Variants in CCSER1 observed in about 807,000 individuals in gnomAD.
CCSER1 encodes coiled-coil serine rich protein 1.
Under a neutral mutation model 82.0 loss-of-function variants are expected in CCSER1, and 41 were observed. The observed-to-expected ratio is 0.50, with a 90% CI of 0.39 to 0.65. The LOEUF (loss-of-function observed/expected upper bound fraction) is 0.65, where lower values mean the gene tolerates loss of function less well. CCSER1 is among the 30% of genes least tolerant of loss of function. The pLI, the probability that CCSER1 is intolerant of heterozygous loss-of-function variation, is 0.00. For synonymous variants in CCSER1, 414 were observed against 383.9 expected, an observed-to-expected ratio of 1.08 and a Z score of -0.92; for missense variants, 1,119 against 1,064.2, an observed-to-expected ratio of 1.05 and a Z score of -0.72.
At chr4:90,992,012 T>C (rs1188502182) in intron 9 of CCSER1, among the ~76,000 whole-genome samples, 1 of 152,088 alleles carries the variant, frequency 6.6e-6, no homozygotes, top group Non-Finnish European at 1.5e-5. Flanking sequence ...GAGTATTGAA[T>C]GTTCTCATCT....
intron 1 of CCSER1, among the ~76,000 whole-genome samples, chr4:90,270,315 A>G (rs7658872): frequency 0.056 from 8,444 of 152,134 alleles, 654 homozygotes; most frequent in African/African-American, 0.17. Context: ...GATCATTCAT[A>G]ATGACCAACT....
intron 10 of CCSER1, among the ~76,000 whole-genome samples, chr4:91,457,515 A>T (rs1208905689): frequency 6.6e-6 from 1 of 152,114 alleles, no homozygotes; most frequent in Non-Finnish European, 1.5e-5. Context: ...AAAATAAAAA[A>T]AATAATTAGT....
At chr4:91,235,933 T>G (rs550179158) in intron 10 of CCSER1, among the ~76,000 whole-genome samples, 13 of 152,326 alleles carry the variant, frequency 8.5e-5, no homozygotes, top group African/African-American at 3.1e-4. Context: ...TGATTACTTC[T>G]GTTGCCATGA....
intron 9 of CCSER1, among the ~76,000 whole-genome samples, chr4:90,937,504 A>ACACACAC (rs757870134): frequency 2.8e-4 from 22 of 77,782 alleles, no homozygotes; most frequent in African/African-American, 8.3e-4. Flanking sequence ...CACACACACA[A>ACACACAC]ACACACACAC....
intron 9 of CCSER1, among the ~76,000 whole-genome samples, chr4:91,055,504 A>G (rs1405565021): frequency 2.6e-5 from 4 of 152,110 alleles, no homozygotes; most frequent in African/African-American, 9.7e-5. Flanking sequence ...CTGATGAGAG[A>G]TCTCCAAATA....
intron 9 of CCSER1, among the ~76,000 whole-genome samples, chr4:90,981,646 A>G (rs1013163655): frequency 2.0e-5 from 3 of 151,978 alleles, no homozygotes; most frequent in Middle Eastern, 6.8e-3. Context: ...ATTTCAAAGA[A>G]TACTTAAACT....
At chr4:91,412,759 G>T (rs1321815158) in intron 10 of CCSER1, among the ~76,000 whole-genome samples, 1 of 152,020 alleles carries the variant, frequency 6.6e-6, no homozygotes, top group Non-Finnish European at 1.5e-5. Context: ...AATGGAAGTG[G>T]TATTTATTCC....
chr4:91,236,408 G>T (rs554279126), intron 10 of CCSER1, among the ~76,000 whole-genome samples: 1 of 151,156 alleles, frequency 6.6e-6, no homozygotes, highest in African/African-American at 2.4e-5. Flanking sequence ...GCTTGAACCC[G>T]GGAGGTGGAG....
chr4:90,172,748 T>G (rs1731945556), intron 1 of CCSER1, among the ~76,000 whole-genome samples: 1 of 151,880 alleles, frequency 6.6e-6, no homozygotes, highest in Admixed American at 6.6e-5. Flanking sequence ...CAATATTGCA[T>G]GCAACCTTGA....
intron 1 of CCSER1, among the ~76,000 whole-genome samples, chr4:90,194,062 C>T (rs181275884): frequency 7.2e-5 from 11 of 152,062 alleles, no homozygotes; most frequent in Admixed American, 6.6e-4. Context: ...CTTTGTAGGT[C>T]CAGTTGATAG....
chr4:90,324,101 G>A (rs1190913918), intron 3 of CCSER1, among the ~76,000 whole-genome samples: 1 of 151,930 alleles, frequency 6.6e-6, no homozygotes, highest in African/African-American at 2.4e-5. Flanking sequence ...CCAAGTCTTT[G>A]CTATTGTGAA....
At chr4:91,473,677 AAG>A (rs1757408637) in intron 10 of CCSER1, among the ~76,000 whole-genome samples, 1 of 152,232 alleles carries the variant, frequency 6.6e-6, no homozygotes, top group African/African-American at 2.4e-5. Flanking sequence ...GAAAAATTAA[AAG>A]AGTGTTGAAG....
At chr4:90,396,774 C>T (rs1752021517) in intron 3 of CCSER1, among the ~76,000 whole-genome samples, 1 of 152,036 alleles carries the variant, frequency 6.6e-6, no homozygotes, top group African/African-American at 2.4e-5. Flanking sequence ...ATGATTGTCC[C>T]AGAAACATTG....
At position 90,759,924 on chromosome 4, in the gene CCSER1, A is replaced by T. The variant is rs1432084048; in HGVS notation, c.2010+35933A>T. 2.0e-5 allele frequency among the ~76,000 whole-genome samples: 3 copies of T among 152,038 alleles called. No individual in the cohort carries two copies. In the South Asian group the frequency reaches 6.2e-4, roughly 31 times the overall value. ...AGAAAATTGTATACATATAGTTAAAACAGCTGTATAAAACTACTTAATATG... is the reference window on the plus strand; with the variant it reads ...AGAAAATTGTATACATATAGTTAAATCAGCTGTATAAAACTACTTAATATG... On this transcript the variant is annotated intron_variant, in intron 7 of 10. Coordinates refer to ENST00000509176, the MANE Select transcript of CCSER1 (RefSeq NM_001145065.2).
At chr4:91,195,588 G>A (rs554941940) in intron 10 of CCSER1, among the ~76,000 whole-genome samples, 2 of 152,118 alleles carry the variant, frequency 1.3e-5, no homozygotes, top group Non-Finnish European at 2.9e-5. Flanking sequence ...AATCAGAAGA[G>A]GCTTAACCTT....
At chr4:91,450,796 A>G (rs1755829203) in intron 10 of CCSER1, among the ~76,000 whole-genome samples, 1 of 151,940 alleles carries the variant, frequency 6.6e-6, no homozygotes, top group South Asian at 2.1e-4. Context: ...GTGAGAAACT[A>G]CTCAATGCTA....
chr4:90,556,909 A>G (rs1336653465), intron 5 of CCSER1, among the ~76,000 whole-genome samples: 1 of 151,782 alleles, frequency 6.6e-6, no homozygotes, highest in African/African-American at 2.4e-5. Context: ...AATTTCAGTG[A>G]ATTAATCAGA....
chr4:91,300,919 T>A (rs1744614599), intron 10 of CCSER1, among the ~76,000 whole-genome samples: 1 of 151,920 alleles, frequency 6.6e-6, no homozygotes, highest in African/African-American at 2.4e-5. Context: ...ATTGTAAAGG[T>A]AGTTTTTAAA....
rs183634424 is a variant in CCSER1 at position 90,326,384 on chromosome 4, C to T, written c.1509+13337C>T. Among the ~76,000 whole-genome samples the T allele has an allele frequency of 2.6e-3, 402 of 151,904 alleles. 3 individuals are homozygous for T. Among genetic ancestry groups the T allele is most frequent in the Middle Eastern group, 6.8e-3 (2 of 294 alleles). ...CGATAACTTTTTGTTTTAAACTAGC[C>T]GTTTCTAAATTAGAGTAGCTGCCAT... On this transcript the variant is annotated intron_variant, in intron 3 of 10. Coordinates refer to ENST00000509176, the MANE Select transcript of CCSER1 (RefSeq NM_001145065.2).
Sources: allele counts gnomAD v4.1 joint callset (sites outside exome capture counted in the v4.1 genomes callset), GRCh38; gene constraint gnomAD v4.1.1; transcripts MANE v1.5; gene names NCBI Gene and HGNC (gene_info 2026-07-23, HGNC 2026-07-21).